PTPRD: variants seen among roughly 807,000 people sequenced by gnomAD.
The protein encoded by PTPRD is protein tyrosine phosphatase receptor type D.
PTPRD carries 34 observed loss-of-function variants against 214.5 expected under a neutral mutation model. The observed-to-expected ratio is 0.16, with a 90% CI of 0.12 to 0.21. The LOEUF (loss-of-function observed/expected upper bound fraction) is 0.21. PTPRD is among the 10% of genes least tolerant of loss of function. PTPRD has a pLI of 1.00. For synonymous variants in PTPRD, 1,128 were observed against 845.7 expected, an observed-to-expected ratio of 1.33 and a Z score of -5.79; for missense variants, 2,545 against 2,398.7, an observed-to-expected ratio of 1.06 and a Z score of -1.27.
intron 5 of PTPRD, among the ~76,000 whole-genome samples, chr9:9,877,544 G>A (rs932350226): frequency 6.6e-6 from 1 of 152,112 alleles, no homozygotes. Context: ...GTGAATCTTA[G>A]GTGAAAGGAG....
intron 11 of PTPRD, among the ~76,000 whole-genome samples, chr9:8,882,288 A>G (rs1045416849): frequency 1.3e-5 from 2 of 152,130 alleles, no homozygotes; most frequent in South Asian, 2.1e-4. Context: ...TTAAACTTAC[A>G]GCTTTGGAAA....
chr9:9,397,819 G>C (rs1233760351), intron 8 of PTPRD, among the ~76,000 whole-genome samples: 1 of 151,904 alleles, frequency 6.6e-6, no homozygotes, highest in Non-Finnish European at 1.5e-5. Context: ...TCTTGGTCCT[G>C]GCACAAACAC....
intron 5 of PTPRD, among the ~76,000 whole-genome samples, chr9:9,928,409 A>T (rs903461408): frequency 6.6e-6 from 1 of 152,188 alleles, no homozygotes; most frequent in African/African-American, 2.4e-5. Context: ...TTATCAAAGG[A>T]CAGAGAGAGC....
chr9:9,348,575 C>T (rs964227763), intron 9 of PTPRD, among the ~76,000 whole-genome samples: 1 of 152,052 alleles, frequency 6.6e-6, no homozygotes, highest in Non-Finnish European at 1.5e-5. Context: ...GGGAAAAGCA[C>T]ATGTTTTCTT....
At chr9:10,192,419 A>C (rs1011456466) in intron 3 of PTPRD, among the ~76,000 whole-genome samples, 3 of 145,832 alleles carry the variant, frequency 2.1e-5, no homozygotes, top group South Asian at 4.4e-4. Flanking sequence ...GGTAGAAGTC[A>C]AAGTATTGGC....
chr9:10,301,058 C>T (rs2095848388), intron 3 of PTPRD, among the ~76,000 whole-genome samples: 1 of 152,094 alleles, frequency 6.6e-6, no homozygotes, highest in Non-Finnish European at 1.5e-5. Flanking sequence ...GATGAAGCTT[C>T]CAGAGGAAGG....
At chr9:8,369,434 G>A (rs2080880848) in intron 39 of PTPRD, among the ~76,000 whole-genome samples, 1 of 151,694 alleles carries the variant, frequency 6.6e-6, no homozygotes, top group Non-Finnish European at 1.5e-5. Context: ...GAACTTAGGA[G>A]TTTTTACAAC....
intron 14 of PTPRD, among the ~76,000 whole-genome samples, chr9:8,536,735 A>C (rs927984677): frequency 6.6e-6 from 1 of 152,036 alleles, no homozygotes; most frequent in Non-Finnish European, 1.5e-5. Flanking sequence ...TACAGAGACC[A>C]GAAAAGCAGA....
intron 9 of PTPRD, among the ~76,000 whole-genome samples, chr9:9,223,656 G>A (rs1055184743): frequency 1.3e-5 from 2 of 151,972 alleles, no homozygotes; most frequent in Admixed American, 6.6e-5. Context: ...TTCCACTAGA[G>A]CAAATTGGTA....
chr9:10,398,677 G>A (rs2098217903), intron 2 of PTPRD, among the ~76,000 whole-genome samples: 1 of 151,930 alleles, frequency 6.6e-6, no homozygotes, highest in African/African-American at 2.4e-5. Context: ...GTTGTTATGA[G>A]GAGCAGAGAA....
chr9:9,396,100 G>C (rs1422741364), intron 9 of PTPRD, among the ~76,000 whole-genome samples: 1 of 152,020 alleles, frequency 6.6e-6, no homozygotes, highest in Non-Finnish European at 1.5e-5. Flanking sequence ...AGCTAGTCAA[G>C]ACCCAGTTCT....
rs1483085852 is a variant in PTPRD at position 8,550,904 on chromosome 9, T to G, written c.353-22125A>C. On this transcript the variant is annotated intron_variant, in intron 14 of 45. Coordinates refer to ENST00000381196, the MANE Select transcript of PTPRD (RefSeq NM_002839.4). ...GGCTGGGTATGAAAAGAATATTCTC[T>G]CCACGGGCCTGTCTTCGACAGTGAG... Among the ~76,000 whole-genome samples the G allele has an allele frequency of 3.9e-5, 6 of 152,314 alleles. No homozygotes were observed. In the East Asian group the frequency reaches 1.2e-3, roughly 29 times the overall value.
chr9:10,606,913 C>T (rs545193050), intron 2 of PTPRD, among the ~76,000 whole-genome samples: 48 of 151,816 alleles, frequency 3.2e-4, no homozygotes, highest in Non-Finnish European at 5.9e-4. Flanking sequence ...TAGCTGATTA[C>T]GTAAATATTT....
intron 39 of PTPRD, among the ~76,000 whole-genome samples, chr9:8,369,851 T>C (rs1410245964): frequency 1.3e-5 from 2 of 152,090 alleles, no homozygotes; most frequent in Non-Finnish European, 2.9e-5. Context: ...GTTTTATAAC[T>C]GATTCACTGA....
chr9:9,629,035 A>G (rs1211915778), intron 7 of PTPRD, among the ~76,000 whole-genome samples: 3 of 151,592 alleles, frequency 2.0e-5, no homozygotes. Flanking sequence ...TTAGCCAGGC[A>G]TGGTGGTGTG....
At chr9:9,333,621 G>C (rs1169227847) in intron 9 of PTPRD, among the ~76,000 whole-genome samples, 1 of 150,770 alleles carries the variant, frequency 6.6e-6, no homozygotes, top group Non-Finnish European at 1.5e-5. Context: ...GAAATGTAAA[G>C]AAGATCTGAA....
rs115003450 is a variant in PTPRD, at chr9:8,909,428, A to G, written c.-104+109269T>C. Among the ~76,000 whole-genome samples the G allele has an allele frequency of 1.5e-3, 234 of 152,294 alleles. 1 individual carries two copies. The highest frequency in any genetic ancestry group is 5.3e-3 in the African/African-American group (221 of 41,570). On this transcript the variant is annotated intron_variant, in intron 11 of 45. Transcript: ENST00000381196. ...ATATATATTGATCGAGTGAAATTTA[A>G]CATACAAGGTTGGTTTAATTTTCTA...
intron 14 of PTPRD, among the ~76,000 whole-genome samples, chr9:8,536,822 C>G (rs965705254): frequency 1.3e-5 from 2 of 151,970 alleles, no homozygotes; most frequent in African/African-American, 4.8e-5. Context: ...CTAATAATGA[C>G]TACTCCAAAG....
chr9:9,937,133 A>G (rs2089785894), intron 5 of PTPRD, among the ~76,000 whole-genome samples: 1 of 152,164 alleles, frequency 6.6e-6, no homozygotes, highest in African/African-American at 2.4e-5. Flanking sequence ...CTAGATGATG[A>G]GTTAATGGGT....
Sources: allele counts gnomAD v4.1 joint callset (sites outside exome capture counted in the v4.1 genomes callset), GRCh38; gene constraint gnomAD v4.1.1; transcripts MANE v1.5; gene names NCBI Gene and HGNC (gene_info 2026-07-23, HGNC 2026-07-21).